CLTRN: variants seen among roughly 807,000 people sequenced by gnomAD.
The protein encoded by CLTRN is collectrin, amino acid transport regulator.
A neutral mutation model predicts 14.5 loss-of-function variants in CLTRN; 12 were observed. That is an observed-to-expected ratio of 0.83 (90% CI 0.53 to 1.34). The LOEUF is 1.34. Ranked by LOEUF, CLTRN falls within the 40% of genes most tolerant of loss-of-function variation. CLTRN has a pLI of 0.00. For missense variants in CLTRN, 154 were observed against 165.1 expected, an observed-to-expected ratio of 0.93 and a Z score of 0.37; for synonymous variants, 58 against 56.5, an observed-to-expected ratio of 1.03 and a Z score of -0.12.
intron 3 of CLTRN, chrX:15,646,621 C>A: frequency 8.8e-6 from 3 of 342,053 alleles, no homozygotes. Context: ...TGGGACTACG[C>A]CCGCATCCGC....
At chrX:15,656,988 T>A (rs746236201) in intron 3 of CLTRN, among the ~76,000 whole-genome samples, 25 of 109,484 alleles carry the variant, frequency 2.3e-4, no homozygotes, top group Non-Finnish European at 4.4e-4. Flanking sequence ...CCGACATATA[T>A]CCTGTGTACC....
chrX:15,646,412 C>A, intron 3 of CLTRN: 1 of 313,560 alleles, frequency 3.2e-6, no homozygotes, highest in Non-Finnish European at 6.4e-6. Flanking sequence ...TCATGGGCAG[C>A]TACCTGAGCG....
chrX:15,640,854 G>A (rs1928925553), intron 4 of CLTRN, among the ~76,000 whole-genome samples: 1 of 112,262 alleles, frequency 8.9e-6, no homozygotes, highest in Admixed American at 9.4e-5. Context: ...AAGGGTGACA[G>A]ATCAGTAGAT....
intron 1 of CLTRN, among the ~76,000 whole-genome samples, chrX:15,671,577 T>G (rs753761067): frequency 1.8e-5 from 2 of 110,836 alleles, no homozygotes; most frequent in East Asian, 2.8e-4. Context: ...GATTTCAATG[T>G]GGGAATGGGT....
At chrX:15,640,728 G>A (rs1170738705) in intron 4 of CLTRN, among the ~76,000 whole-genome samples, 2 of 112,733 alleles carry the variant, frequency 1.8e-5, no homozygotes, top group African/African-American at 6.4e-5. Context: ...ACTTGATCTT[G>A]ATATTTTTTT....
intron 3 of CLTRN, among the ~76,000 whole-genome samples, chrX:15,653,528 C>G (rs750464304): frequency 9.0e-6 from 1 of 110,806 alleles, no homozygotes; most frequent in Non-Finnish European, 1.9e-5. Flanking sequence ...CCATATTCTT[C>G]CTATTCTTCT....
chrX:15,667,458 T>C (rs1929643409), upstream of CLTRN, among the ~76,000 whole-genome samples: 1 of 111,574 alleles, frequency 9.0e-6, no homozygotes, highest in African/African-American at 3.3e-5. Context: ...TGTTGTATCA[T>C]CTTTTCAAAA....
intron 3 of CLTRN, among the ~76,000 whole-genome samples, chrX:15,650,970 T>C (rs12860052): frequency 5.4e-5 from 6 of 111,563 alleles, no homozygotes; most frequent in South Asian, 3.8e-4. Flanking sequence ...AACTAACTGA[T>C]GTCTTGGCCT....
At chrX:15,670,879 AGTGTGTGTGTGTGTGT>A (rs543420208) in intron 1 of CLTRN, among the ~76,000 whole-genome samples, 15,539 of 84,854 alleles carry the variant, frequency 0.18, 1,141 homozygotes, top group South Asian at 0.26. Flanking sequence ...AAGGGAGACA[AGTGTGTGTGTGTGTGT>A]GTGTGTGTGT....
chrX:15,656,470 G>C (rs187935899), intron 3 of CLTRN, among the ~76,000 whole-genome samples: 1 of 111,174 alleles, frequency 9.0e-6, no homozygotes, highest in African/African-American at 3.3e-5. Flanking sequence ...ATAAACAATG[G>C]TGGGCGGGGG....
At chrX:15,671,844 GCA>G (rs199900262) in intron 1 of CLTRN, among the ~76,000 whole-genome samples, 11,899 of 89,729 alleles carry the variant, frequency 0.13, 603 homozygotes, top group Middle Eastern at 0.15. Flanking sequence ...TTTTATGCGC[GCA>G]CACACACACA....
At chrX:15,667,223 C>T (rs111705835), upstream of CLTRN, among the ~76,000 whole-genome samples, 835 of 100,347 alleles carry the variant, frequency 8.3e-3, 7 homozygotes, top group Middle Eastern at 0.025. Context: ...GGCAACAGAG[C>T]GAGACTCCAT....
At chrX:15,672,990 T>C (rs945878910) in intron 1 of CLTRN, among the ~76,000 whole-genome samples, 6 of 111,998 alleles carry the variant, frequency 5.4e-5, no homozygotes, top group Non-Finnish European at 7.5e-5. Flanking sequence ...ACAGGAAATT[T>C]TGGATGGTTC....
At chrX:15,670,308 A>AACACACACAC (rs753295306) in intron 1 of CLTRN, among the ~76,000 whole-genome samples, 3,055 of 86,204 alleles carry the variant, frequency 0.035, 81 homozygotes, top group East Asian at 0.16. Context: ...CCAAAAACAA[A>AACACACACAC]ACACACACAC....
At chrX:15,646,157 G>T in intron 3 of CLTRN, 1 of 162,926 alleles carries the variant, frequency 6.1e-6, no homozygotes, top group East Asian at 1.7e-4. Context: ...AGACAGCATG[G>T]GGCGCCACTT....
chrX:15,669,528 C>T (rs887895043), upstream of CLTRN, among the ~76,000 whole-genome samples: 1 of 112,067 alleles, frequency 8.9e-6, no homozygotes, highest in Non-Finnish European at 1.9e-5. Context: ...TTGATTTCTC[C>T]GTGTTTTTTA....
rs146674851 is a variant in CLTRN, at chrX:15,660,323, T to C, written c.118-1222A>G. 2.9e-3 allele frequency among the ~76,000 whole-genome samples: 327 copies of C among 111,554 alleles called. 1 individual carries two copies. The highest frequency in any genetic ancestry group is 0.01 in the African/African-American group (318 of 30,763). On this transcript the variant is annotated intron_variant, in intron 2 of 5. Transcript: ENST00000380342. Reference sequence around the variant, plus strand: ...CTAAATATTTTCATAGCATATTCTTTTTTTGGAAGGGAGGAGGGATGGGGT... The same window carrying C: ...CTAAATATTTTCATAGCATATTCTTCTTTTGGAAGGGAGGAGGGATGGGGT...
intron 3 of CLTRN, chrX:15,646,867 C>A (rs889654074): frequency 1.0e-5 from 3 of 300,117 alleles, no homozygotes; most frequent in Non-Finnish European, 1.9e-5. Context: ...GAGCCCGATG[C>A]CCAGGCCATC....
intron 3 of CLTRN, among the ~76,000 whole-genome samples, chrX:15,655,549 C>T (rs746420808): frequency 2.7e-5 from 3 of 112,271 alleles, no homozygotes; most frequent in Non-Finnish European, 5.6e-5. Context: ...TAACTCTATC[C>T]TGTTCCCTTC....
Sources: allele counts gnomAD v4.1 joint callset (sites outside exome capture counted in the v4.1 genomes callset), GRCh38; gene constraint gnomAD v4.1.1; transcripts MANE v1.5; gene names NCBI Gene and HGNC (gene_info 2026-07-23, HGNC 2026-07-21).